The following GALK1 variants were observed in gnomAD, a reference collection of about 807,000 sequenced individuals.
The protein encoded by GALK1 is galactokinase 1.
A neutral mutation model predicts 38.6 loss-of-function variants in GALK1; 30 were observed. The ratio of observed to expected loss-of-function variants is 0.78; its 90% CI spans 0.58 to 1.05. The LOEUF (loss-of-function observed/expected upper bound fraction) is 1.05, where lower values mean the gene tolerates loss of function less well. GALK1 is among the 50% of genes least tolerant of loss of function. The pLI is 0.00. For missense variants in GALK1, 512 were observed against 540.5 expected, an observed-to-expected ratio of 0.95 and a Z score of 0.52; for synonymous variants, 240 against 233.6, an observed-to-expected ratio of 1.03 and a Z score of -0.25.
Position 75,758,460 on chromosome 17 carries a change from G to A in GALK1, c.933C>T (p.His311=), listed in dbSNP as rs759153077. ...RAFGRLMVES[H]RSLRDDYEVS... ...CCAGAGGGCCTCACCTGAGTGAGCG[G>A]TGGCTCTCCACCATGAGGCGGCCAA... The change falls in exon 6 of 8, where the codon CAC becomes CAT. Residue 311 remains histidine, a synonymous_variant. Coordinates refer to ENST00000588479, the MANE Select transcript of GALK1 (RefSeq NM_000154.2). 8.9e-6 allele frequency: 14 copies of A among 1,575,344 alleles called. No homozygotes were observed. Among genetic ancestry groups the A allele is most frequent in the Non-Finnish European group, 1.2e-5 (14 of 1,162,016 alleles).
At chr17:75,755,261 T>C (rs1421005355), downstream of GALK1, 4 of 1,571,958 alleles carry the variant, frequency 2.5e-6, no homozygotes, top group Non-Finnish European at 2.6e-6. Flanking sequence ...CTGCTCCATC[T>C]GTCATCCAGC....
downstream of GALK1, chr17:75,756,884 G>A: frequency 6.2e-7 from 1 of 1,612,176 alleles, no homozygotes; most frequent in Non-Finnish European, 8.5e-7. Flanking sequence ...GGGGGCAGGA[G>A]TGGCCAGGGG....
exon 1 of GALK1, chr17:75,765,183 GGCGCGGGATGCTCGGGCGGGGCCCC>G (rs2061606083): frequency 2.9e-6 from 4 of 1,383,450 alleles, no homozygotes; most frequent in Admixed American, 1.4e-4. Context: ...CAGCCCCGTC[GGCGCGGGATGCTCGGGCGGGGCCCC>G]GCGCGGGGGT....
At chr17:75,756,413 C>G (rs2061503737), downstream of GALK1, 1 of 1,613,094 alleles carries the variant, frequency 6.2e-7, no homozygotes, top group Non-Finnish European at 8.5e-7. Flanking sequence ...TGTGTGCCCC[C>G]ACCTGATCCC....
intron 5 of GALK1, among the ~76,000 whole-genome samples, chr17:75,760,708 G>A (rs1288889398): frequency 4.6e-5 from 7 of 151,820 alleles, no homozygotes; most frequent in African/African-American, 7.2e-5. Flanking sequence ...CCCTGAAGAC[G>A]GAGGTTGCAG....
In GALK1 at chr17:75,765,049, G is replaced by C. The variant is rs1037331010; in HGVS notation, c.88C>G (p.Leu30Val). The C allele has an allele frequency of 2.5e-6, 4 of 1,606,122 alleles. No individual in the cohort carries two copies. Among genetic ancestry groups the C allele is most frequent in the East Asian group, 2.2e-5 (1 of 44,586 alleles). The change falls in exon 1 of 8, where the codon CTG (leucine) becomes GTG (valine). Residue 30 changes from leucine to valine, a missense_variant. Transcript: ENST00000588479. ...FREEFGAEPE[L>V]AVSAPGRVNL... ...ACGCGGCCCGGCGCTGACACGGCCA[G>C]CTCGGGCTCGGCCCCGAACTCCTCC...
At chr17:75,755,684 C>T (rs200368215), downstream of GALK1, 74 of 1,612,442 alleles carry the variant, frequency 4.6e-5, no homozygotes, top group African/African-American at 5.3e-5. Flanking sequence ...TGGCTGACTG[C>T]GGCCTCCTGT....
chr17:75,756,814 G>C (rs759160067), downstream of GALK1: 14 of 1,612,484 alleles, frequency 8.7e-6, no homozygotes, highest in Admixed American at 1.8e-4. Context: ...GCCCAATGGG[G>C]ATATCGTCGG....
chr17:75,753,762 A>G, downstream of GALK1: 1 of 1,437,768 alleles, frequency 7.0e-7, no homozygotes, highest in Non-Finnish European at 9.1e-7. Context: ...CGTTGTTCCC[A>G]AGGCTGCGGC....
chr17:75,751,917 C>T, intron 8 of GALK1: 2 of 556,832 alleles, frequency 3.6e-6, no homozygotes, highest in Non-Finnish European at 6.5e-6. Context: ...GAGGTGACAT[C>T]GAGGCCAACT....
chr17:75,751,690 G>A (rs183567637), exon 9 of GALK1: 145 of 222,642 alleles, frequency 6.5e-4, no homozygotes, highest in Admixed American at 1.9e-3. Context: ...GCAGTGAACC[G>A]AGATCGTGTT....
downstream of GALK1, chr17:75,753,740 A>G: frequency 7.2e-7 from 1 of 1,387,162 alleles, no homozygotes. Context: ...CGGCGGTGCC[A>G]ACGCGGCCCT....
Position 75,758,489 on chromosome 17 carries a change from C to T in GALK1, c.904G>A (p.Ala302Thr), listed in dbSNP as rs1344760074. The T allele has an allele frequency of 6.3e-7, 1 of 1,578,138 alleles. No individual in the cohort carries two copies. Among genetic ancestry groups the T allele is most frequent in the East Asian group, 2.3e-5 (1 of 43,268 alleles). The change falls in exon 6 of 8, where the codon GCC (alanine) becomes ACC (threonine). Residue 302 changes from alanine (A) to threonine (T), a missense_variant. Transcript: ENST00000588479. ...AAALRRGDYR[A>T]FGRLMVESHR... ...CTCTCCACCATGAGGCGGCCAAAGG[C>T]TCTGTAGTCGCCACGTCTCAGGGCG...
chr17:75,764,804 G>T, intron 1 of GALK1, 168 bp downstream of exon 1: 2 of 739,212 alleles, frequency 2.7e-6, no homozygotes. Flanking sequence ...CTTCCAACGT[G>T]GGGAACAGCC....
downstream of GALK1, chr17:75,755,810 G>A (rs568025182): frequency 3.7e-5 from 60 of 1,608,996 alleles, no homozygotes; most frequent in African/African-American, 1.7e-4. Context: ...GCGAGCGGCC[G>A]CTGCAGGGCT....
At chr17:75,757,021 C>T (rs1159222833), downstream of GALK1, 5 of 1,612,602 alleles carry the variant, frequency 3.1e-6, no homozygotes, top group South Asian at 2.2e-5. Flanking sequence ...GAGAACGTGC[C>T]CTACAAGTTC....
At chr17:75,751,683 G>A (rs2061370112) in exon 9 of GALK1, 1 of 222,524 alleles carries the variant, frequency 4.5e-6, no homozygotes, top group Non-Finnish European at 9.1e-6. Flanking sequence ...GCAGGTTGCA[G>A]TGAACCGAGA....
chr17:75,753,229 C>T (rs1381496088), downstream of GALK1, among the ~76,000 whole-genome samples: 1 of 152,256 alleles, frequency 6.6e-6, no homozygotes, highest in Admixed American at 6.5e-5. Flanking sequence ...CCCCGGTGAA[C>T]ACATACTGGC....
At chr17:75,754,088 G>A (rs1209947533), downstream of GALK1, 2 of 464,828 alleles carry the variant, frequency 4.3e-6, no homozygotes, top group Admixed American at 4.0e-5. Flanking sequence ...GCCAGGCCCG[G>A]GCCTTGGCGG....
Sources: allele counts gnomAD v4.1 joint callset (sites outside exome capture counted in the v4.1 genomes callset), GRCh38; gene constraint gnomAD v4.1.1; transcripts MANE v1.5; gene names NCBI Gene and HGNC (gene_info 2026-07-23, HGNC 2026-07-21).